FREM2: variants seen among roughly 807,000 people sequenced by gnomAD.
FREM2 encodes FRAS1-related extracellular matrix protein 2.
FREM2 carries 119 observed loss-of-function variants against 219.9 expected under a neutral mutation model. The observed-to-expected ratio is 0.54, with a 90% CI of 0.47 to 0.63. The LOEUF (loss-of-function observed/expected upper bound fraction) is 0.63. FREM2 is among the 30% of genes least tolerant of loss of function. FREM2 has a pLI of 0.00. For synonymous variants in FREM2, 1,562 were observed against 1,522.8 expected (o/e 1.03, Z -0.60); for missense variants, 4,030 against 3,993.6 (o/e 1.01, Z -0.25).
chr13:38,702,526 G>A (rs1038615403), intron 2 of FREM2, among the ~76,000 whole-genome samples: 3 of 152,036 alleles, frequency 2.0e-5, no homozygotes, highest in Non-Finnish European at 2.9e-5. Context: ...AAAAGTCCTC[G>A]TGTAAACTTT....
intron 1 of FREM2, among the ~76,000 whole-genome samples, chr13:38,697,002 G>A (rs929671401): frequency 6.6e-6 from 1 of 152,026 alleles, no homozygotes; most frequent in East Asian, 1.9e-4. Flanking sequence ...GTTTCACCAT[G>A]TTGGCCAGGC....
intron 15 of FREM2, 113 bp from the exon 16 acceptor site, chr13:38,864,162 C>A: frequency 1.2e-6 from 1 of 817,966 alleles, no homozygotes; most frequent in Non-Finnish European, 2.0e-6. Context: ...CCATACACCA[C>A]TGCTGTATGG....
At chr13:38,765,055 T>G (rs1010948724) in intron 3 of FREM2, among the ~76,000 whole-genome samples, 1 of 152,126 alleles carries the variant, frequency 6.6e-6, no homozygotes, top group Non-Finnish European at 1.5e-5. Context: ...GGACTACAGG[T>G]GCCCACCACC....
In FREM2 at chr13:38,691,169, C is replaced by G. The variant is rs376806959; in HGVS notation, c.3825C>G (p.Asp1275Glu). 30 of 1,613,904 alleles carry G rather than the reference C, an allele frequency of 1.9e-5. No homozygotes were observed. The African/African-American group carries it at 3.9e-4, about 21-fold the overall frequency. Reference protein sequence around the residue: ...YEHDDSETQEDSFVIKLTDGK... With the variant: ...YEHDDSETQEESFVIKLTDGK... ...ATGATGACTCCGAGACCCAGGAAGA[C>G]AGTTTTGTGATTAAACTAACAGATG... is the stretch of plus-strand genomic sequence containing the variant. The change falls in exon 1 of 24, where the codon GAC becomes GAG. Residue 1275 changes from aspartate to glutamate, a missense_variant. Asp to Glu is a conservative substitution (Grantham distance 45, BLOSUM62 2). This residue lies in a region of FREM2 where 3,102 missense variants were observed against 2,950.7 expected (regional missense o/e 1.05). Transcript: ENST00000280481.
chr13:38,819,150 T>C (rs1875902555), intron 6 of FREM2, among the ~76,000 whole-genome samples: 1 of 152,126 alleles, frequency 6.6e-6, no homozygotes, highest in Non-Finnish European at 1.5e-5. Context: ...TCCATTTGAC[T>C]CAACCTGTTA....
chr13:38,711,400 A>G (rs931933361), intron 2 of FREM2, among the ~76,000 whole-genome samples: 5 of 152,198 alleles, frequency 3.3e-5, no homozygotes, highest in African/African-American at 1.2e-4. Context: ...TGATGTTACT[A>G]AATGATGTGG....
At position 38,876,325 on chromosome 13, in the gene FREM2, A is replaced by C. The variant is rs773389202; in HGVS notation, c.8487A>C (p.Pro2829=). The change falls in exon 20 of 24, where the codon CCA becomes CCC. Residue 2829 remains proline, a synonymous_variant. Transcript: ENST00000280481. The stretch of plus-strand genomic sequence containing the variant: ...CATCACATCAGGAATACCGCCTGCC[A>C]GTCACCTGCAACCCCAGAGAACCTG... ...TAPSHQEYRL[P]VTCNPREPVT... 2.5e-6 allele frequency: 4 copies of C among 1,614,030 alleles called. No individual in the cohort carries two copies. The Admixed American group carries it at 6.7e-5, about 27-fold the overall frequency.
intron 6 of FREM2, among the ~76,000 whole-genome samples, chr13:38,837,440 T>C (rs150794606): frequency 0.025 from 3,847 of 152,274 alleles, 62 homozygotes; most frequent in Non-Finnish European, 0.036. Flanking sequence ...GAGAGTTCTG[T>C]AGATGTTTAT....
chr13:38,800,827 A>G (rs948197424), intron 6 of FREM2, among the ~76,000 whole-genome samples: 4 of 152,106 alleles, frequency 2.6e-5, no homozygotes, highest in Non-Finnish European at 4.4e-5. Flanking sequence ...ATGGGGTTTC[A>G]CCATGTTGGC....
At chr13:38,760,955 T>G (rs58892971) in intron 2 of FREM2, among the ~76,000 whole-genome samples, 4,538 of 152,184 alleles carry the variant, frequency 0.03, 265 homozygotes, top group African/African-American at 0.11. Context: ...TTATAAAAAC[T>G]GAAAAGAGAA....
chr13:38,747,001 G>T (rs1427957956), intron 2 of FREM2, among the ~76,000 whole-genome samples: 10 of 152,084 alleles, frequency 6.6e-5, no homozygotes, highest in Admixed American at 5.9e-4. Flanking sequence ...TGCAGACCTT[G>T]CTCACAAGCC....
rs150092084 is a variant in FREM2 at position 38,880,175 on chromosome 13, A to G, written c.9007-109A>G. The G allele has an allele frequency of 5.6e-4, 658 of 1,182,316 alleles. 1 individual carries two copies. The African/African-American group carries it at 8.9e-3, about 16-fold the overall frequency. 73.2% of individuals were successfully genotyped at this position (1,182,316 alleles called of 1,614,324 possible). A position where few individuals can be genotyped will look rare whatever the true frequency, so the allele number is the denominator to read the frequency against. ...AATATTAAGTAAGTTAATTCTGCAG[A>G]CTAAAATCATTTATTAATATCTCTG... On this transcript the variant is annotated intron_variant, in intron 23 of 23. Transcript: ENST00000280481.
chr13:38,787,253 G>C (rs776656007), intron 6 of FREM2, among the ~76,000 whole-genome samples: 1 of 152,110 alleles, frequency 6.6e-6, no homozygotes, highest in African/African-American at 2.4e-5. Flanking sequence ...TATTGCCATT[G>C]CTTCTTCATT....
chr13:38,691,290 A>T lies in FREM2; in HGVS notation c.3946A>T (p.Ile1316Phe). Residue 1316 changes from isoleucine to phenylalanine, a missense_variant, in exon 1 of 24, where the codon ATT (isoleucine) becomes TTT (phenylalanine). Around this residue, in one of 2 missense-constraint regions of FREM2, gnomAD observed 3,102 missense variants for 2,950.7 expected, o/e 1.05. Coordinates refer to ENST00000280481, the MANE Select transcript of FREM2 (RefSeq NM_207361.6). The part of the protein sequence containing the change: ...MTINNGLEIE[I>F]GDTKIINNKI... ...TATCAATAATGGACTAGAAATAGAAATTGGGGATACCAAGATTATCAACAA... is the reference window on the plus strand; with the variant it reads ...TATCAATAATGGACTAGAAATAGAATTTGGGGATACCAAGATTATCAACAA... 1 of 1,614,008 alleles carries T rather than the reference A, an allele frequency of 6.2e-7. No individual in the cohort carries two copies. The highest frequency in any genetic ancestry group is 8.5e-7 in the Non-Finnish European group (1 of 1,179,876).
intron 6 of FREM2, among the ~76,000 whole-genome samples, chr13:38,794,643 C>T (rs1411700980): frequency 6.6e-6 from 1 of 151,170 alleles, no homozygotes; most frequent in Non-Finnish European, 1.5e-5. Context: ...CTAGTTTTAC[C>T]TGTGTATTCT....
intron 16 of FREM2, among the ~76,000 whole-genome samples, chr13:38,867,342 A>G (rs1386427574): frequency 6.6e-6 from 1 of 152,272 alleles, no homozygotes; most frequent in East Asian, 1.9e-4. Flanking sequence ...TAGCATAACC[A>G]TCATGATCAA....
intron 2 of FREM2, among the ~76,000 whole-genome samples, chr13:38,750,013 A>G (rs1052751011): frequency 1.3e-5 from 2 of 152,174 alleles, no homozygotes. Context: ...TCCTAAGTTG[A>G]AAGAGAGAGA....
intron 4 of FREM2, among the ~76,000 whole-genome samples, chr13:38,780,033 C>T (rs1874053724): frequency 6.6e-6 from 1 of 152,128 alleles, no homozygotes; most frequent in Admixed American, 6.5e-5. Context: ...TATAATCCTC[C>T]CCTGTGTGAT....
intron 6 of FREM2, among the ~76,000 whole-genome samples, chr13:38,792,803 G>A (rs563754554): frequency 6.6e-6 from 1 of 152,096 alleles, no homozygotes; most frequent in East Asian, 1.9e-4. Flanking sequence ...TTTCATTGCA[G>A]TACTGTAATG....
Sources: allele counts gnomAD v4.1 joint callset (sites outside exome capture counted in the v4.1 genomes callset), GRCh38; gene constraint gnomAD v4.1.1; regional missense constraint gnomAD v4.1.1; transcripts MANE v1.5; gene names NCBI Gene and HGNC (gene_info 2026-07-23, HGNC 2026-07-21).